The following STARD9 variants were observed in gnomAD, a reference collection of about 807,000 sequenced individuals.
The protein encoded by STARD9 is StAR related lipid transfer domain containing 9, also known as stAR-related lipid transfer protein 9.
Under a neutral mutation model 399.8 loss-of-function variants are expected in STARD9, and 346 were observed. The ratio of observed to expected loss-of-function variants is 0.87; its 90% CI spans 0.79 to 0.95. STARD9 has a LOEUF of 0.95. Ranked by LOEUF, STARD9 falls within the 40% of genes least tolerant of loss-of-function variation. The pLI, the probability that STARD9 is intolerant of heterozygous loss-of-function variation, is 0.00. For missense variants in STARD9, 5,832 were observed against 5,667.5 expected, an observed-to-expected ratio of 1.03 and a Z score of -0.93; for synonymous variants, 2,203 against 2,143.5, an observed-to-expected ratio of 1.03 and a Z score of -0.77.
intron 3 of STARD9, among the ~76,000 whole-genome samples, chr15:42,596,190 G>A (rs1450358309): frequency 1.3e-5 from 2 of 152,160 alleles, no homozygotes; most frequent in East Asian, 1.9e-4. Context: ...TATCTGTAGG[G>A]GAGACATGCC....
At chr15:42,583,289 C>T in intron 1 of STARD9, 57 bp from the exon 2 acceptor site, 13 of 1,352,242 alleles carry the variant, frequency 9.6e-6, no homozygotes, top group Non-Finnish European at 1.2e-5. Flanking sequence ...TGGTTTTAGG[C>T]TCTTTTTTCT....
At chr15:42,619,664 G>A (rs934619371) in intron 3 of STARD9, among the ~76,000 whole-genome samples, 11 of 152,166 alleles carry the variant, frequency 7.2e-5, no homozygotes, top group Non-Finnish European at 1.3e-4. Context: ...CTGCTGATCT[G>A]ACAGGAGGCA....
At chr15:42,705,787 C>G (rs2061063118) in intron 26 of STARD9, among the ~76,000 whole-genome samples, 2 of 151,840 alleles carry the variant, frequency 1.3e-5, no homozygotes, top group African/African-American at 4.8e-5. Context: ...GAGTCTCACT[C>G]TCTCACTCGG....
Position 42,693,912 on chromosome 15 carries a change from C to A in STARD9, c.12334C>A (p.Pro4112Thr). 1 of 1,517,662 alleles carries A rather than the reference C, an allele frequency of 6.6e-7. No individual in the cohort carries two copies. Among genetic ancestry groups the A allele is most frequent in the Non-Finnish European group, 8.8e-7 (1 of 1,136,232 alleles). The allele number at this position is 1,517,662 out of a possible 1,614,324, so 94.0% of individuals were successfully genotyped here. A position where few individuals can be genotyped will look rare whatever the true frequency, so the allele number is the denominator to read the frequency against. ...CTTGGGCCTCCCTCAGGCCTGCCAA[C>A]CTGAGGAGTTACTGTGCTTCAGTTG... The part of the protein sequence containing the change: ...SALGLPQACQ[P>T]EELLCFSCQM... Residue 4112 changes from proline (P) to threonine (T), a missense_variant, in exon 23 of 33, where the codon CCT (proline) becomes ACT (threonine). Pro to Thr is a conservative substitution (Grantham distance 38). Around this residue, in one of 2 missense-constraint regions of STARD9, gnomAD observed 5,828 missense variants for 5,651.1 expected, o/e 1.03. Transcript: ENST00000290607.
At chr15:42,695,088 C>G in intron 24 of STARD9, 52 bp from the exon 25 acceptor site, 4 of 1,423,270 alleles carry the variant, frequency 2.8e-6, no homozygotes, top group Non-Finnish European at 3.8e-6. Flanking sequence ...GATGGACAGA[C>G]CAGGACTGTC....
In STARD9 at chr15:42,693,217, C is replaced by T; in HGVS notation, c.11639C>T (p.Ser3880Phe). The change falls in exon 23 of 33, where the codon TCC becomes TTC. Residue 3880 changes from serine to phenylalanine, a missense_variant. This residue lies in a region of STARD9 where 5,828 missense variants were observed against 5,651.1 expected (regional missense o/e 1.03). Coordinates refer to ENST00000290607, the MANE Select transcript of STARD9 (RefSeq NM_020759.3). ...AGTACTTCCGAGTATCCTGGGGACT[C>T]CAGGGTCCAGAAGAAGCTGGGCCCC... Reference protein sequence around the residue: ...FPSTSEYPGDSRVQKKLGPTS... With the variant: ...FPSTSEYPGDFRVQKKLGPTS... 6.5e-7 allele frequency: 1 copy of T among 1,537,072 alleles called. No homozygotes were observed. Among genetic ancestry groups the T allele is most frequent in the Non-Finnish European group, 8.7e-7 (1 of 1,146,870 alleles).
Position 42,694,687 on chromosome 15 carries a change from C to T in STARD9, c.12924C>T (p.Tyr4308=). Residue 4308 remains tyrosine (Y), a synonymous_variant, in exon 24 of 33, where the codon TAC becomes TAT. Coordinates refer to ENST00000290607, the MANE Select transcript of STARD9 (RefSeq NM_020759.3). The part of the protein sequence containing the change: ...DLDLPSRRRE[Y]LQQLRKDVVE... ...ACTTGCCCAGCAGACGCCGAGAATA[C>T]CTGCAGCAACTGAGGAAGGATGTTG... 4 of 1,537,186 alleles carry T rather than the reference C, an allele frequency of 2.6e-6. No homozygotes were observed. Among genetic ancestry groups the T allele is most frequent in the South Asian group, 2.4e-5 (2 of 84,052 alleles).
chr15:42,608,786 T>C (rs999191313), intron 3 of STARD9, among the ~76,000 whole-genome samples: 1 of 152,202 alleles, frequency 6.6e-6, no homozygotes, highest in African/African-American at 2.4e-5. Context: ...GTAATGTTTA[T>C]CTTGCCTGAA....
Position 42,684,637 on chromosome 15 carries a change from G to A in STARD9, c.3059G>A (p.Gly1020Glu). 2 of 1,537,150 alleles carry A rather than the reference G, an allele frequency of 1.3e-6. No homozygotes were observed. The highest frequency in any genetic ancestry group is 1.4e-5 in the African/African-American group (1 of 73,160). Residue 1020 changes from glycine to glutamate, a missense_variant, in exon 23 of 33, where the codon GGG becomes GAG. By Grantham distance (98) the Gly-to-Glu change is moderately conservative. Transcript: ENST00000290607. ...CCTCATGGACCCAGGCAGACTGCTG[G>A]GCACGGAAAGGCAGTCAAGACTTTT... is the stretch of plus-strand genomic sequence containing the variant. ...LYPHGPRQTA[G>E]HGKAVKTFWT...
At chr15:42,588,158 T>C (rs1304216279) in intron 3 of STARD9, among the ~76,000 whole-genome samples, 2 of 152,160 alleles carry the variant, frequency 1.3e-5, no homozygotes, top group East Asian at 3.8e-4. Flanking sequence ...TTGTATAACA[T>C]TTGATAAATC....
chr15:42,664,048 G>GTC (rs2060042179), intron 13 of STARD9, 131 bp downstream of exon 13: 3 of 637,566 alleles, frequency 4.7e-6, no homozygotes, highest in Non-Finnish European at 8.3e-6. Flanking sequence ...TGATGAGGGA[G>GTC]TAGAATTCTT....
chr15:42,625,116 T>C (rs376567557), intron 3 of STARD9, among the ~76,000 whole-genome samples: 3 of 152,122 alleles, frequency 2.0e-5, no homozygotes, highest in South Asian at 2.1e-4. Context: ...AACCTCTGCC[T>C]CCCAGGTTCA....
In STARD9 at chr15:42,690,234, G is replaced by A. The variant is rs2060658911; in HGVS notation, c.8656G>A (p.Glu2886Lys). Reference protein sequence around the residue: ...CKESVGSGLTEVCRAGSKHSR... With the variant: ...CKESVGSGLTKVCRAGSKHSR... ...GGAGAGTGTTGGGTCTGGGTTGACAGAAGTCTGCAGGGCTGGCAGCAAACA... is the reference window on the plus strand; with the variant it reads ...GGAGAGTGTTGGGTCTGGGTTGACAAAAGTCTGCAGGGCTGGCAGCAAACA... The change falls in exon 23 of 33, where the codon GAA (glutamate) becomes AAA (lysine). Residue 2886 changes from glutamate (E) to lysine (K), a missense_variant. Physicochemically the swap from Glu to Lys is moderately conservative, Grantham distance 56. Around this residue, in one of 2 missense-constraint regions of STARD9, gnomAD observed 5,828 missense variants for 5,651.1 expected, o/e 1.03. Coordinates refer to ENST00000290607, the MANE Select transcript of STARD9 (RefSeq NM_020759.3). 1.3e-6 allele frequency: 2 copies of A among 1,537,586 alleles called. No individual in the cohort carries two copies. Among genetic ancestry groups the A allele is most frequent in the Non-Finnish European group, 1.7e-6 (2 of 1,147,002 alleles).
At chr15:42,591,269 C>T (rs2058387118) in intron 3 of STARD9, among the ~76,000 whole-genome samples, 1 of 152,140 alleles carries the variant, frequency 6.6e-6, no homozygotes, top group Non-Finnish European at 1.5e-5. Context: ...GGGTGGATCA[C>T]CTGAGGTCAG....
At chr15:42,668,488 G>T (rs150844062) in intron 15 of STARD9, among the ~76,000 whole-genome samples, 4 of 151,752 alleles carry the variant, frequency 2.6e-5, no homozygotes, top group African/African-American at 9.7e-5. Context: ...TTATCACTGT[G>T]CATGTCCCTA....
intron 3 of STARD9, among the ~76,000 whole-genome samples, chr15:42,623,410 T>C (rs1253632710): frequency 1.3e-5 from 2 of 151,572 alleles, no homozygotes; most frequent in African/African-American, 4.9e-5. Flanking sequence ...ACTGACTCTA[T>C]GGTCTATCTC....
chr15:42,718,826 C>T lies in STARD9; in HGVS notation c.13917C>T (p.Arg4639=), dbSNP rs369688689. The change falls in exon 32 of 33, where the codon CGC becomes CGT. Residue 4639 remains arginine (R), a synonymous_variant. Transcript: ENST00000290607. ...SMPRPSRKMV[R]GEILPSAWIL... Reference sequence around the variant, plus strand: ...CAAGACCCAGCAGAAAAATGGTTCGCGGGGAGATCCTGCCCAGTGCCTGGA... The same window carrying T: ...CAAGACCCAGCAGAAAAATGGTTCGTGGGGAGATCCTGCCCAGTGCCTGGA... 103 of 1,537,088 alleles carry T rather than the reference C, an allele frequency of 6.7e-5. No homozygotes were observed. The highest frequency in any genetic ancestry group is 8.3e-5 in the South Asian group (7 of 84,062).
Position 42,638,166 on chromosome 15 carries a change from T to C in STARD9, c.446+79T>C, listed in dbSNP as rs116017554. On this transcript the variant is annotated intron_variant, in intron 6 of 32. Coordinates refer to ENST00000290607, the MANE Select transcript of STARD9 (RefSeq NM_020759.3). ...TCTACCATGTTCAGCTGTCCTCTCT[T>C]TGCTTCCAGAGTCACCACAGGGATG... 28 of 1,302,088 alleles carry C rather than the reference T, an allele frequency of 2.2e-5. No individual in the cohort carries two copies. In the African/African-American group the frequency reaches 3.9e-4, roughly 18 times the overall value. The allele number at this position is 1,302,088 out of a possible 1,614,324, so 80.7% of individuals were successfully genotyped here. A position where few individuals can be genotyped will look rare whatever the true frequency, so the allele number is the denominator to read the frequency against.
chr15:42,682,655 C>G (rs1186642409), intron 22 of STARD9, 80 bp downstream of exon 22: 6 of 1,138,520 alleles, frequency 5.3e-6, no homozygotes, highest in Non-Finnish European at 7.3e-6. Context: ...TGTTTTTCCC[C>G]ATGCCTCATT....
Sources: gnomAD v4.1 joint callset for allele counts (sites outside exome capture counted in the v4.1 genomes callset) on GRCh38, gnomAD v4.1.1 for gene constraint, gnomAD v4.1.1 regional missense constraint, MANE v1.5 for transcripts, NCBI Gene and HGNC (gene_info 2026-07-23, HGNC 2026-07-21) for gene names.